Variants in EPYC observed in about 807,000 individuals in gnomAD.
The protein encoded by EPYC is epiphycan, also known as dermatan sulfate proteoglycan 3.
In EPYC, 28 loss-of-function variants were observed where a neutral mutation model predicts 30.1. That is an observed-to-expected ratio of 0.93 (90% CI 0.69 to 1.28). The LOEUF is 1.28. Ranked by LOEUF, EPYC falls within the 50% of genes most tolerant of loss-of-function variation. The pLI is 0.00. For missense variants in EPYC, 382 were observed against 383.5 expected, an observed-to-expected ratio of 1.00 and a Z score of 0.03; for synonymous variants, 144 against 141.4, an observed-to-expected ratio of 1.02 and a Z score of -0.13.
At chr12:91,002,189 C>CAAAAAAAA (rs34987645) in intron 2 of EPYC, among the ~76,000 whole-genome samples, 91 of 73,426 alleles carry the variant, frequency 1.2e-3, no homozygotes, top group East Asian at 2.9e-3. Flanking sequence ...GACACTGTCT[C>CAAAAAAAA]AAAAAAAAAA....
chr12:90,973,558 C>T (rs982333807), intron 3 of EPYC, among the ~76,000 whole-genome samples: 1 of 152,078 alleles, frequency 6.6e-6, no homozygotes, highest in Non-Finnish European at 1.5e-5. Flanking sequence ...CTGAACATAA[C>T]ATAGGGGGAT....
At chr12:90,993,068 T>C (rs1877622541) in intron 2 of EPYC, among the ~76,000 whole-genome samples, 1 of 152,208 alleles carries the variant, frequency 6.6e-6, no homozygotes, top group South Asian at 2.1e-4. Context: ...TTCCATCTTA[T>C]GACTTTCTTC....
At chr12:90,990,521 A>T (rs1294487706) in intron 2 of EPYC, among the ~76,000 whole-genome samples, 2 of 152,116 alleles carry the variant, frequency 1.3e-5, no homozygotes, top group African/African-American at 4.8e-5. Context: ...TAACTTAGAA[A>T]CCTGATTTTA....
chr12:90,976,164 G>T (rs1217242588), intron 3 of EPYC, among the ~76,000 whole-genome samples: 1 of 152,020 alleles, frequency 6.6e-6, no homozygotes, highest in African/African-American at 2.4e-5. Flanking sequence ...TAAAATGGTG[G>T]TTATCAGAGC....
rs1486640371 is a variant in EPYC, at chr12:90,970,068, T to C, written c.774A>G (p.Glu258=). 6.2e-7 allele frequency: 1 copy of C among 1,613,976 alleles called. No individual in the cohort carries two copies. The highest frequency in any genetic ancestry group is 8.5e-7 in the Non-Finnish European group (1 of 1,179,850). Residue 258 remains glutamate (E), a synonymous_variant, in exon 6 of 7, where the codon GAA becomes GAG. Coordinates refer to ENST00000261172, the MANE Select transcript of EPYC (RefSeq NM_004950.5). ...NLDHIPLPLP[E]NLRALHLQNN... ...CCTGGAGGTGAAGGGCTCGTAGATT[T>C]TCTGGGAGTGGCAGAGGGATGTGGT...
At chr12:91,001,470 T>C (rs956503476) in intron 2 of EPYC, among the ~76,000 whole-genome samples, 4 of 152,282 alleles carry the variant, frequency 2.6e-5, no homozygotes, top group African/African-American at 9.6e-5. Context: ...GTTACACTCC[T>C]GCATTTCAAG....
chr12:91,004,789 C>A, intron 1 of EPYC, among the ~76,000 whole-genome samples, 158 bp downstream of exon 1: 1 of 151,842 alleles, frequency 6.6e-6, no homozygotes, highest in South Asian at 2.1e-4. Flanking sequence ...TTGGATTTTC[C>A]AAGAATAATA....
chr12:90,993,428 T>G (rs1055194563), intron 2 of EPYC, among the ~76,000 whole-genome samples: 7 of 152,164 alleles, frequency 4.6e-5, no homozygotes, highest in Non-Finnish European at 1.0e-4. Context: ...GAGCTCTATT[T>G]CTGTGTGAAT....
chr12:90,981,346 G>A (rs1279216300), intron 2 of EPYC, among the ~76,000 whole-genome samples: 2 of 151,998 alleles, frequency 1.3e-5, no homozygotes, highest in Non-Finnish European at 2.9e-5. Flanking sequence ...TCTGCTCCCT[G>A]GAGAAATAAA....
chr12:90,973,142 C>A (rs1243692192), intron 3 of EPYC, among the ~76,000 whole-genome samples, 162 bp from the exon 4 acceptor site: 1 of 151,938 alleles, frequency 6.6e-6, no homozygotes, highest in Non-Finnish European at 1.5e-5. Flanking sequence ...GTCAAGCATA[C>A]CAATTAAAAT....
intron 2 of EPYC, among the ~76,000 whole-genome samples, chr12:91,000,633 G>A (rs528147017): frequency 6.6e-6 from 1 of 151,936 alleles, no homozygotes; most frequent in African/African-American, 2.4e-5. Context: ...GGAATAAATA[G>A]CACCCTTGAA....
intron 3 of EPYC, among the ~76,000 whole-genome samples, chr12:90,977,463 G>A (rs1467921242): frequency 6.6e-6 from 1 of 152,136 alleles, no homozygotes; most frequent in East Asian, 1.9e-4. Context: ...TGAGTGAGAA[G>A]AAGCCTGTTT....
intron 2 of EPYC, among the ~76,000 whole-genome samples, chr12:90,980,695 TCC>T (rs1053443334): frequency 6.6e-6 from 1 of 151,982 alleles, no homozygotes; most frequent in African/African-American, 2.4e-5. Context: ...CAGAAAAAAA[TCC>T]CTGTCTTTTT....
chr12:90,964,380 T>C (rs554191270), intron 6 of EPYC, 54 bp from the exon 7 acceptor site: 6 of 1,369,790 alleles, frequency 4.4e-6, no homozygotes, highest in East Asian at 2.3e-5. Context: ...TTAGTATTGA[T>C]TGATAGCGCA....
chr12:90,979,630 T>G (rs1194173184), intron 2 of EPYC, among the ~76,000 whole-genome samples: 1 of 152,184 alleles, frequency 6.6e-6, no homozygotes, highest in Non-Finnish European at 1.5e-5. Context: ...GAATTGTGCA[T>G]CCTTCTGTGC....
At chr12:90,964,430 T>G in intron 6 of EPYC, 104 bp from the exon 7 acceptor site, 2 of 808,388 alleles carry the variant, frequency 2.5e-6, no homozygotes, top group Non-Finnish European at 3.7e-6. Context: ...CTTTTGTTAT[T>G]TTCCTCAATC....
chr12:90,972,763 T>C (rs1233888797), intron 4 of EPYC, 59 bp downstream of exon 4: 5 of 1,425,292 alleles, frequency 3.5e-6, no homozygotes, highest in Non-Finnish European at 3.8e-6. Context: ...CATTTAACAA[T>C]GTAAAAATTT....
At chr12:91,000,772 A>C (rs1877804366) in intron 2 of EPYC, among the ~76,000 whole-genome samples, 1 of 144,014 alleles carries the variant, frequency 6.9e-6, no homozygotes, top group African/African-American at 2.5e-5. Context: ...TTGATAGATA[A>C]ATTCAGAAAT....
chr12:90,985,241 C>T (rs1877422916), intron 2 of EPYC, among the ~76,000 whole-genome samples: 1 of 152,092 alleles, frequency 6.6e-6, no homozygotes, highest in Non-Finnish European at 1.5e-5. Context: ...ATGAATTATT[C>T]AATGATGTCC....
Sources: gnomAD v4.1 joint callset for allele counts (sites outside exome capture counted in the v4.1 genomes callset) on GRCh38, gnomAD v4.1.1 for gene constraint, MANE v1.5 for transcripts, NCBI Gene and HGNC (gene_info 2026-07-23, HGNC 2026-07-21) for gene names.